Variants in AUTS2 observed in about 807,000 individuals in gnomAD.
AUTS2 encodes activator of transcription and developmental regulator AUTS2.
Under a neutral mutation model 112.4 loss-of-function variants are expected in AUTS2, and 17 were observed. The ratio of observed to expected loss-of-function variants is 0.15; its 90% CI spans 0.10 to 0.23. The LOEUF (loss-of-function observed/expected upper bound fraction) is 0.23. Ranked by LOEUF, AUTS2 falls within the 10% of genes least tolerant of loss-of-function variation. The pLI is 1.00. For synonymous variants in AUTS2, 751 were observed against 702.7 expected (o/e 1.07, Z -1.09); for missense variants, 1,510 against 1,701.6 (o/e 0.89, Z 1.98).
In AUTS2 at chr7:70,146,560, T is replaced by C. The variant is rs191124588; in HGVS notation, c.660+11989T>C. Among the ~76,000 whole-genome samples the C allele has an allele frequency of 1.5e-3, 225 of 152,284 alleles. 3 individuals carry two copies. The highest frequency in any genetic ancestry group is 5.2e-3 in the African/African-American group (215 of 41,568). On this transcript the variant is annotated intron_variant, in intron 4 of 18. Coordinates refer to ENST00000342771, the MANE Select transcript of AUTS2 (RefSeq NM_015570.4). ...ATTACTTACATATTTTTATTTTTCC[T>C]TTTCTCTCATCTTCTGTTTTCCAAC...
intron 1 of AUTS2, among the ~76,000 whole-genome samples, chr7:69,828,440 T>C (rs1791352365): frequency 1.3e-5 from 2 of 152,200 alleles, no homozygotes; most frequent in South Asian, 4.1e-4. Flanking sequence ...GTACAAAAGA[T>C]AGATACTATC....
chr7:69,667,735 A>G (rs11765021), intron 1 of AUTS2, among the ~76,000 whole-genome samples: 3 of 151,972 alleles, frequency 2.0e-5, no homozygotes, highest in Non-Finnish European at 2.9e-5. Context: ...TCTCTATTTT[A>G]TTACCTTTCT....
chr7:70,411,101 G>C (rs925349536), intron 4 of AUTS2, among the ~76,000 whole-genome samples: 1 of 152,104 alleles, frequency 6.6e-6, no homozygotes, highest in Non-Finnish European at 1.5e-5. Context: ...CTGACCTCAG[G>C]TGATCCGCCC....
At position 70,572,286 on chromosome 7, in the gene AUTS2, T is replaced by G. The variant is rs976208347; in HGVS notation, c.691-126283T>G. Among the ~76,000 whole-genome samples the G allele has an allele frequency of 5.9e-5, 9 of 151,952 alleles. 1 individual carries two copies. The highest frequency in any genetic ancestry group is 5.9e-4 in the Admixed American group (9 of 15,252). The stretch of plus-strand genomic sequence containing the variant: ...GGGAGGTGGAGGAGGGGCATACTCA[T>G]GTTTTAGGAGGGGAAATACAGGGTC... On this transcript the variant is annotated intron_variant, in intron 5 of 18. Transcript: ENST00000342771.
chr7:69,681,240 T>G (rs1796782399), intron 1 of AUTS2, among the ~76,000 whole-genome samples: 1 of 152,236 alleles, frequency 6.6e-6, no homozygotes, highest in Admixed American at 6.5e-5. Context: ...CTCTTCAAGA[T>G]CCTGCTATCA....
chr7:70,784,713 G>C (rs1438483301), intron 15 of AUTS2: 2 of 513,256 alleles, frequency 3.9e-6, no homozygotes, highest in Non-Finnish European at 6.6e-6. Context: ...CTGGGAAAGA[G>C]AAAGAGGGAT....
In AUTS2 at chr7:70,117,115, T is replaced by G. The variant is rs1562710257; in HGVS notation, c.523-1017T>G. ...ATGAGATGACTTTTGTTTTTTTTTT[T>G]TGTTTTTTTTTGTTTTTTTTTGTTT... On this transcript the variant is annotated intron_variant, in intron 2 of 18. Coordinates refer to ENST00000342771, the MANE Select transcript of AUTS2 (RefSeq NM_015570.4). Among the ~76,000 whole-genome samples, 22 of 121,128 alleles carry G rather than the reference T, an allele frequency of 1.8e-4. No individual in the cohort carries two copies. The East Asian group carries it at 4.4e-3, about 24-fold the overall frequency. The allele number at this position is 121,128 out of a possible 152,430, so 79.5% of individuals were successfully genotyped here.
chr7:69,815,238 C>T (rs1790706476), intron 1 of AUTS2, among the ~76,000 whole-genome samples: 1 of 152,090 alleles, frequency 6.6e-6, no homozygotes, highest in African/African-American at 2.4e-5. Context: ...TTTCCCTTTA[C>T]CTTGCAGCTT....
chr7:69,734,645 G>GT (rs34366291), intron 1 of AUTS2, among the ~76,000 whole-genome samples: 105,424 of 148,566 alleles, frequency 0.71, 37,315 homozygotes, highest in East Asian at 0.78. Flanking sequence ...TGCTTGTTGG[G>GT]TTTTTTTTTT....
intron 2 of AUTS2, among the ~76,000 whole-genome samples, chr7:70,038,037 A>G (rs1479158089): frequency 6.9e-6 from 1 of 145,818 alleles, no homozygotes; most frequent in Non-Finnish European, 1.5e-5. Flanking sequence ...AAACTAGGAA[A>G]GCAGGAATGA....
At chr7:70,244,195 T>C (rs1812781710) in intron 4 of AUTS2, among the ~76,000 whole-genome samples, 1 of 152,148 alleles carries the variant, frequency 6.6e-6, no homozygotes, top group Non-Finnish European at 1.5e-5. Context: ...TTTCATTATG[T>C]TTATTTCCTC....
chr7:69,985,667 G>C (rs1238707988), intron 2 of AUTS2, among the ~76,000 whole-genome samples: 3 of 152,028 alleles, frequency 2.0e-5, no homozygotes, highest in Admixed American at 6.6e-5. Flanking sequence ...ACATCCCCAT[G>C]TGGTGGGTTC....
At chr7:70,494,309 A>G (rs918201530) in intron 5 of AUTS2, among the ~76,000 whole-genome samples, 19 of 151,884 alleles carry the variant, frequency 1.3e-4, no homozygotes, top group Middle Eastern at 6.8e-3. Flanking sequence ...AACTACATTT[A>G]TTTTACAGAT....
At chr7:70,163,138 T>G (rs1808183499) in intron 4 of AUTS2, among the ~76,000 whole-genome samples, 1 of 151,914 alleles carries the variant, frequency 6.6e-6, no homozygotes, top group Non-Finnish European at 1.5e-5. Flanking sequence ...ACCTCATGGC[T>G]GCCAGCTATG....
At chr7:70,294,753 T>C (rs570393684) in intron 4 of AUTS2, among the ~76,000 whole-genome samples, 1 of 152,336 alleles carries the variant, frequency 6.6e-6, no homozygotes, top group East Asian at 1.9e-4. Context: ...TCTTCCATTC[T>C]GGTTGCCACT....
At chr7:69,698,709 C>G (rs1354611518) in intron 1 of AUTS2, among the ~76,000 whole-genome samples, 1 of 152,180 alleles carries the variant, frequency 6.6e-6, no homozygotes, top group Non-Finnish European at 1.5e-5. Flanking sequence ...GGGTCAGCAT[C>G]TGCCAACATG....
chr7:69,943,109 CAG>C (rs879509431), intron 2 of AUTS2, among the ~76,000 whole-genome samples: 2 of 152,196 alleles, frequency 1.3e-5, no homozygotes, highest in Non-Finnish European at 2.9e-5. Flanking sequence ...TGTATTCACA[CAG>C]AGCATGCATA....
At chr7:70,227,723 A>G (rs1006819705) in intron 4 of AUTS2, among the ~76,000 whole-genome samples, 1 of 152,120 alleles carries the variant, frequency 6.6e-6, no homozygotes, top group African/African-American at 2.4e-5. Context: ...GTCTATTGAC[A>G]TATTTCAAAA....
intron 4 of AUTS2, among the ~76,000 whole-genome samples, chr7:70,269,859 A>G (rs1787605093): frequency 2.6e-5 from 4 of 152,054 alleles, no homozygotes; most frequent in Admixed American, 2.6e-4. Context: ...TTACTCCTAT[A>G]ATGTGTGAAA....
Sources: allele counts gnomAD v4.1 joint callset (sites outside exome capture counted in the v4.1 genomes callset), GRCh38; gene constraint gnomAD v4.1.1; transcripts MANE v1.5; gene names NCBI Gene and HGNC (gene_info 2026-07-23, HGNC 2026-07-21).